The following MAP4K3 variants were observed in gnomAD, a reference collection of about 807,000 sequenced individuals.
The protein encoded by MAP4K3 is mitogen-activated protein kinase kinase kinase kinase 3, also known as MAPK/ERK kinase kinase kinase 3.
A neutral mutation model predicts 143.5 loss-of-function variants in MAP4K3; 94 were observed. The observed-to-expected ratio is 0.65, with a 90% confidence interval of 0.55 to 0.78. The LOEUF is 0.78. MAP4K3 is among the 30% of genes least tolerant of loss of function. MAP4K3 has a pLI of 0.00. For synonymous variants in MAP4K3, 416 were observed against 347.2 expected, an observed-to-expected ratio of 1.20 and a Z score of -2.20; for missense variants, 1,077 against 1,068.1, an observed-to-expected ratio of 1.01 and a Z score of -0.12.
chr2:39,320,508 T>C (rs1046168034), intron 12 of MAP4K3, among the ~76,000 whole-genome samples: 1 of 152,052 alleles, frequency 6.6e-6, no homozygotes, highest in Non-Finnish European at 1.5e-5. Flanking sequence ...CAACACAATT[T>C]TTTTTTTTTG....
intron 24 of MAP4K3, among the ~76,000 whole-genome samples, chr2:39,274,238 A>G (rs1351965560): frequency 1.4e-5 from 2 of 144,934 alleles, no homozygotes; most frequent in East Asian, 4.0e-4. Context: ...TTTTTTTGAG[A>G]TGGAGTCTCG....
intron 4 of MAP4K3, among the ~76,000 whole-genome samples, chr2:39,340,344 A>G (rs1460444483): frequency 6.6e-6 from 1 of 152,212 alleles, no homozygotes; most frequent in African/African-American, 2.4e-5. Flanking sequence ...ACATGGGTAC[A>G]GCCAAAAGAG....
chr2:39,402,789 AAGAC>A (rs1666983719), intron 1 of MAP4K3, among the ~76,000 whole-genome samples: 1 of 152,040 alleles, frequency 6.6e-6, no homozygotes, highest in Non-Finnish European at 1.5e-5. Flanking sequence ...ATCAGAAAAA[AAGAC>A]AGGCCAAAAA....
intron 1 of MAP4K3, among the ~76,000 whole-genome samples, chr2:39,389,033 A>G (rs993230023): frequency 2.0e-5 from 3 of 152,240 alleles, no homozygotes; most frequent in Non-Finnish European, 4.4e-5. Flanking sequence ...ATATAACATT[A>G]CAATCAAGTA....
chr2:39,332,125 T>C (rs1683704442), intron 7 of MAP4K3, 136 bp from the exon 8 acceptor site: 2 of 488,736 alleles, frequency 4.1e-6, no homozygotes, highest in African/African-American at 3.8e-5. Context: ...AAACATCACA[T>C]TACAAATTTT....
intron 3 of MAP4K3, among the ~76,000 whole-genome samples, chr2:39,352,951 C>T (rs1404007521): frequency 1.3e-5 from 2 of 152,088 alleles, no homozygotes; most frequent in Non-Finnish European, 2.9e-5. Context: ...ATATATTTTA[C>T]GGGGTTTCTA....
rs563096239 is a variant in MAP4K3 at position 39,365,605 on chromosome 2, C to T, written c.155-9266G>A. On this transcript the variant is annotated intron_variant, in intron 2 of 33. Transcript: ENST00000263881. ...GACTACAGGCGCCCGCCACCGCGCC[C>T]GGCTAATTTTTTGTATTTTTAGTAG... 6.6e-5 allele frequency among the ~76,000 whole-genome samples: 10 copies of T among 150,856 alleles called. No homozygotes were observed. The East Asian group carries it at 7.8e-4, about 12-fold the overall frequency.
chr2:39,369,414 T>C (rs1317478539), intron 2 of MAP4K3, among the ~76,000 whole-genome samples: 1 of 152,046 alleles, frequency 6.6e-6, no homozygotes, highest in African/African-American at 2.4e-5. Context: ...CCCAAAGTGC[T>C]GGGATTACAG....
intron 2 of MAP4K3, among the ~76,000 whole-genome samples, chr2:39,373,906 TAAC>T (rs570807016): frequency 4.6e-5 from 7 of 152,232 alleles, no homozygotes; most frequent in South Asian, 2.1e-4. Context: ...GTGACTTTAG[TAAC>T]AACAACAACA....
intron 24 of MAP4K3, among the ~76,000 whole-genome samples, chr2:39,276,929 T>C (rs1053721408): frequency 5.3e-5 from 8 of 152,240 alleles, no homozygotes; most frequent in African/African-American, 1.4e-4. Flanking sequence ...GATGGTGTAA[T>C]GGCTGCACAA....
chr2:39,404,801 A>T (rs1667051081), intron 1 of MAP4K3, among the ~76,000 whole-genome samples: 1 of 151,684 alleles, frequency 6.6e-6, no homozygotes, highest in African/African-American at 2.4e-5. Flanking sequence ...TTATACTTTT[A>T]GCAGAGACGG....
At chr2:39,342,669 T>A (rs1347153582) in intron 4 of MAP4K3, among the ~76,000 whole-genome samples, 2 of 152,130 alleles carry the variant, frequency 1.3e-5, no homozygotes, top group African/African-American at 4.8e-5. Context: ...CCAAATAGTC[T>A]TACATCTCTG....
intron 1 of MAP4K3, among the ~76,000 whole-genome samples, chr2:39,431,199 A>T (rs1200482636): frequency 6.6e-6 from 1 of 152,224 alleles, no homozygotes; most frequent in Non-Finnish European, 1.5e-5. Flanking sequence ...CTTAAAGTTC[A>T]GGCCCCTTCA....
intron 3 of MAP4K3, 63 bp downstream of exon 3, chr2:39,356,186 T>A: frequency 1.1e-6 from 1 of 935,280 alleles, no homozygotes; most frequent in Non-Finnish European, 1.6e-6. Context: ...CTAACTTTAT[T>A]TTGTTTAATG....
chr2:39,436,720 T>C, intron 1 of MAP4K3, 172 bp downstream of exon 1: 1 of 609,008 alleles, frequency 1.6e-6, no homozygotes, highest in Non-Finnish European at 2.9e-6. Flanking sequence ...GGGTTAAACA[T>C]TCGGCCCTTT....
At chr2:39,429,361 G>A (rs1665210385) in intron 1 of MAP4K3, among the ~76,000 whole-genome samples, 3 of 152,134 alleles carry the variant, frequency 2.0e-5, no homozygotes. Flanking sequence ...TAGATCAGAA[G>A]ACTCAATGTT....
chr2:39,404,613 CTTTCTTTTTTTTTTT>C (rs1479378647), intron 1 of MAP4K3, among the ~76,000 whole-genome samples: 1 of 129,912 alleles, frequency 7.7e-6, no homozygotes, highest in Non-Finnish European at 1.6e-5. Flanking sequence ...TTTCTTCTTT[CTTTCTTTTTTTTTTT>C]TTTTTTTTTT....
At chr2:39,259,590 G>C (rs559032975) in intron 29 of MAP4K3, among the ~76,000 whole-genome samples, 2 of 152,134 alleles carry the variant, frequency 1.3e-5, no homozygotes, top group South Asian at 4.2e-4. Context: ...AAGTACCCAA[G>C]TTTTGTTTTA....
chr2:39,374,092 G>C (rs568302634), intron 2 of MAP4K3, among the ~76,000 whole-genome samples: 1 of 152,228 alleles, frequency 6.6e-6, no homozygotes, highest in East Asian at 1.9e-4. Flanking sequence ...TGCCTACTAT[G>C]TACCCACGAA....
Sources: gnomAD v4.1 joint callset for allele counts (sites outside exome capture counted in the v4.1 genomes callset) on GRCh38, gnomAD v4.1.1 for gene constraint, MANE v1.5 for transcripts, NCBI Gene and HGNC (gene_info 2026-07-23, HGNC 2026-07-21) for gene names.